Variants in CYP27C1 observed in about 807,000 individuals in gnomAD.
CYP27C1 encodes cytochrome P450 family 27 subfamily C member 1.
In CYP27C1, 29 loss-of-function variants were observed where a neutral mutation model predicts 40.6. The ratio of observed to expected loss-of-function variants is 0.71; its 90% CI spans 0.53 to 0.97. CYP27C1 has a LOEUF of 0.97. Ranked by LOEUF, CYP27C1 falls within the 50% of genes least tolerant of loss-of-function variation. CYP27C1 has a pLI of 0.00. For missense variants in CYP27C1, 390 were observed against 485.8 expected, an observed-to-expected ratio of 0.80 and a Z score of 1.85; for synonymous variants, 198 against 186.8, an observed-to-expected ratio of 1.06 and a Z score of -0.49.
chr2:127,199,326 G>C (rs1237220572), intron 5 of CYP27C1, 50 bp downstream of exon 5: 6 of 1,595,666 alleles, frequency 3.8e-6, no homozygotes, highest in Non-Finnish European at 5.1e-6. Context: ...GAGGTGATGA[G>C]GAAGGGGTTA....
intron 1 of CYP27C1, among the ~76,000 whole-genome samples, chr2:127,206,420 C>T (rs1408861768): frequency 1.3e-5 from 2 of 152,046 alleles, no homozygotes; most frequent in Non-Finnish European, 2.9e-5. Flanking sequence ...GCAATCCTCC[C>T]ACCTCAGCCT....
chr2:127,187,479 C>CT, intron 8 of CYP27C1, 92 bp from the exon 9 acceptor site: 1 of 1,161,196 alleles, frequency 8.6e-7, no homozygotes, highest in South Asian at 1.3e-5. Flanking sequence ...TGTGGCGGCA[C>CT]TGGGCTGCAG....
At position 127,201,749 on chromosome 2, in the gene CYP27C1, G is replaced by C. The variant is rs557048618; in HGVS notation, c.674-418C>G. Reference sequence around the variant, plus strand: ...AACACCCTCCTCTCAGGAAGGAGTCGGCAAACCTCACATGGCCTCTCCCTG... The same window carrying C: ...AACACCCTCCTCTCAGGAAGGAGTCCGCAAACCTCACATGGCCTCTCCCTG... On this transcript the variant is annotated intron_variant, in intron 3 of 8. Coordinates refer to ENST00000664447, the MANE Select transcript of CYP27C1 (RefSeq NM_001367502.1). This position sits in a 1 kb window ranked among gnomAD's most constrained non-coding sequence, Gnocchi z 6.0. 6.6e-6 allele frequency among the ~76,000 whole-genome samples: 1 copy of C among 152,074 alleles called. No homozygotes were observed. Among genetic ancestry groups the C allele is most frequent in the Non-Finnish European group, 1.5e-5 (1 of 68,012 alleles).
At position 127,203,499 on chromosome 2, in the gene CYP27C1, A is replaced by C. The variant is rs1683090181; in HGVS notation, c.546T>G (p.Ile182Met). The C allele has an allele frequency of 6.2e-7, 1 of 1,613,916 alleles. No homozygotes were observed. Among genetic ancestry groups the C allele is most frequent in the Non-Finnish European group, 8.5e-7 (1 of 1,180,012 alleles). ...QRILKPKDVA[I>M]YSGEVNQVIA... The stretch of plus-strand genomic sequence containing the variant: ...TAACTTGGTTGACTTCTCCAGAATA[A>C]ATGGCCACATCTTTCGGTTTCAGAA... Residue 182 changes from isoleucine (I) to methionine (M), a missense_variant, in exon 3 of 9, where the codon ATT becomes ATG. Physicochemically the swap from Ile to Met is conservative, Grantham distance 10 (BLOSUM62 1). Transcript: ENST00000664447.
At chr2:127,199,276 A>T (rs1451636986) in intron 5 of CYP27C1, 100 bp downstream of exon 5, 24 of 1,490,846 alleles carry the variant, frequency 1.6e-5, no homozygotes, top group Non-Finnish European at 2.1e-5. Context: ...AATAGAGTAA[A>T]ACTCCATCCT....
At chr2:127,204,597 G>GAAAT in intron 2 of CYP27C1, among the ~76,000 whole-genome samples, 1 of 99,220 alleles carries the variant, frequency 1.0e-5, no homozygotes, top group South Asian at 2.6e-4. Flanking sequence ...AAGAAAGAAA[G>GAAAT]AAAGAAAGAA....
chr2:127,191,341 T>C (rs1682765065), intron 8 of CYP27C1, among the ~76,000 whole-genome samples: 1 of 152,204 alleles, frequency 6.6e-6, no homozygotes, highest in Admixed American at 6.5e-5. Flanking sequence ...GTTATATTCA[T>C]ATGTTGACAG....
In CYP27C1 at chr2:127,220,136, G is replaced by A. The variant is rs1197932862; in HGVS notation, c.135C>T (p.Asp45=). The A allele has an allele frequency of 3.3e-5, 5 of 149,682 alleles. No homozygotes were observed. Among genetic ancestry groups the A allele is most frequent in the Non-Finnish European group, 7.4e-5 (5 of 67,272 alleles). 9.3% of individuals were successfully genotyped at this position (149,682 alleles called of 1,614,324 possible). Residue 45 remains aspartate, a synonymous_variant, in exon 1 of 9, where the codon GAC becomes GAT. Transcript: ENST00000664447. The surrounding 1 kb of genome is among the most constrained non-coding windows in gnomAD (Gnocchi z 4.6). Reference sequence around the variant, plus strand: ...GCGACCCCGGCCGCCCGGCGCCTTTGTCCTCGGCCCGCGCCCCCGCCGGGA... The same window carrying A: ...GCGACCCCGGCCGCCCGGCGCCTTTATCCTCGGCCCGCGCCCCCGCCGGGA... ...ARLPAGARAE[D]KGAGRPGSPP...
At position 127,201,324 on chromosome 2, in the gene CYP27C1, G is replaced by A. The variant is rs773778523; in HGVS notation, c.681C>T (p.Ala227=). 6.2e-7 allele frequency: 1 copy of A among 1,613,780 alleles called. No homozygotes were observed. The highest frequency in any genetic ancestry group is 8.5e-7 in the Non-Finnish European group (1 of 1,179,948). The change falls in exon 4 of 9, where the codon GCC becomes GCT. Residue 227 remains alanine (A), a synonymous_variant. Coordinates refer to ENST00000664447, the MANE Select transcript of CYP27C1 (RefSeq NM_001367502.1). This position sits in a 1 kb window ranked among gnomAD's most constrained non-coding sequence, Gnocchi z 6.0. ...LFFKYSMEGV[A]TILYESRLGC... is the part of the protein sequence containing the mutation. Reference sequence around the variant, plus strand: ...CCAAACGACTCTCATAAAGGATGGTGGCCACTCCTAGACAGGAAAGAGAAT... The same window carrying A: ...CCAAACGACTCTCATAAAGGATGGTAGCCACTCCTAGACAGGAAAGAGAAT...
At position 127,187,314 on chromosome 2, in the gene CYP27C1, G is replaced by A. The variant is rs35075135; in HGVS notation, c.1571C>T (p.Thr524Met). The A allele has an allele frequency of 1.6e-3, 2,599 of 1,614,182 alleles. 20 individuals carry two copies. The African/African-American group carries it at 0.029, about 18-fold the overall frequency. The change falls in exon 9 of 9, where the codon ACG (threonine) becomes ATG (methionine). Residue 524 changes from threonine (T) to methionine (M), a missense_variant. Transcript: ENST00000664447. Reference sequence around the variant, plus strand: ...TCGCACGTGGATGGGCCCCCCTGGCGTCAGGAGCCCGTGGGTTTTTGCATG... The same window carrying A: ...TCGCACGTGGATGGGCCCCCCTGGCATCAGGAGCCCGTGGGTTTTTGCATG... Reference protein sequence around the residue: ...AVHAKTHGLLTPGGPIHVRFV... With the variant: ...AVHAKTHGLLMPGGPIHVRFV...
chr2:127,204,159 G>A (rs920477956), intron 2 of CYP27C1, among the ~76,000 whole-genome samples: 19 of 150,922 alleles, frequency 1.3e-4, no homozygotes, highest in Non-Finnish European at 2.7e-4. Context: ...CCAGCTACTC[G>A]GGAGGCTGAG....
chr2:127,206,589 T>C (rs1393904728), intron 1 of CYP27C1, among the ~76,000 whole-genome samples: 1 of 152,230 alleles, frequency 6.6e-6, no homozygotes, highest in Non-Finnish European at 1.5e-5. Context: ...ATTACAGGCA[T>C]GATCATGGAA....
intron 8 of CYP27C1, among the ~76,000 whole-genome samples, chr2:127,192,626 G>C (rs552205412): frequency 0.047 from 7,147 of 152,164 alleles, 159 homozygotes; most frequent in East Asian, 0.064. Context: ...TCCCGGGGGG[G>C]GGGGCTGCTG....
chr2:127,215,599 A>G (rs1307083401), intron 1 of CYP27C1, among the ~76,000 whole-genome samples: 1 of 152,036 alleles, frequency 6.6e-6, no homozygotes, highest in East Asian at 1.9e-4. Flanking sequence ...GCCGGCCATA[A>G]TGGCTCAGGC....
intron 2 of CYP27C1, among the ~76,000 whole-genome samples, chr2:127,204,602 A>AAGCAAGCAAGCAAGC (rs1558931515): frequency 1.0e-5 from 1 of 99,724 alleles, no homozygotes; most frequent in African/African-American, 4.3e-5. Flanking sequence ...AGAAAGAAAG[A>AAGCAAGCAAGCAAGC]AAGAAAGAAA....
rs1237813428 is a variant in CYP27C1 at position 127,196,113 on chromosome 2, A to G, written c.1048-612T>C. 1.3e-5 allele frequency among the ~76,000 whole-genome samples: 2 copies of G among 151,452 alleles called. No individual in the cohort carries two copies. Among genetic ancestry groups the G allele is most frequent in the Non-Finnish European group, 2.9e-5 (2 of 67,952 alleles). ...AGTCTCGCTCTGTCGCCCAGGCTGG[A>G]ATGCAGTGACGCGATCTCGGCTCAC... is the stretch of plus-strand genomic sequence containing the variant. On this transcript the variant is annotated intron_variant, in intron 5 of 8. Coordinates refer to ENST00000664447, the MANE Select transcript of CYP27C1 (RefSeq NM_001367502.1). The surrounding 1 kb of genome is among the most constrained non-coding windows in gnomAD (Gnocchi z 4.5).
chr2:127,185,869 C>G lies in CYP27C1; in HGVS notation c.*1402G>C, dbSNP rs993713088. The G allele has an allele frequency of 6.6e-6, 1 of 152,166 alleles. No homozygotes were observed. The highest frequency in any genetic ancestry group is 2.4e-5 in the African/African-American group (1 of 41,438). 9.4% of individuals were successfully genotyped at this position (152,166 alleles called of 1,614,324 possible). A position where few individuals can be genotyped will look rare whatever the true frequency, so the allele number is the denominator to read the frequency against. On this transcript the variant is annotated 3_prime_UTR_variant, in exon 9 of 9. Transcript: ENST00000664447. The surrounding 1 kb of genome is among the most constrained non-coding windows in gnomAD (Gnocchi z 4.9). ...GAGCATCAGGAAATCACGGTGTTTC[C>G]TCTTAGCAACCGGTGAGCAGCAGGA...
In CYP27C1 at chr2:127,209,049, G is replaced by A. The variant is rs13384723; in HGVS notation, c.283-2959C>T. ...TGCTCCCCATGCCACCCAACTGGGT[G>A]AGACCCTCCAATAGGGGTTGTCAGA... On this transcript the variant is annotated intron_variant, in intron 1 of 8. Transcript: ENST00000664447. The surrounding 1 kb of genome is among the most constrained non-coding windows in gnomAD (Gnocchi z 4.1). Among the ~76,000 whole-genome samples, 852 of 152,310 alleles carry A rather than the reference G, an allele frequency of 5.6e-3. 12 individuals carry two copies. The highest frequency in any genetic ancestry group is 0.019 in the African/African-American group (791 of 41,560).
At chr2:127,197,491 G>A (rs1305165235) in intron 5 of CYP27C1, among the ~76,000 whole-genome samples, 1 of 152,198 alleles carries the variant, frequency 6.6e-6, no homozygotes, top group Admixed American at 6.5e-5. Flanking sequence ...AAAGCTTTGA[G>A]ATGATGGGCT....
Sources: gnomAD v4.1 joint callset for allele counts (sites outside exome capture counted in the v4.1 genomes callset) on GRCh38, gnomAD v4.1.1 for gene constraint, Gnocchi (gnomAD v3.1) non-coding constraint, MANE v1.5 for transcripts, NCBI Gene and HGNC (gene_info 2026-07-23, HGNC 2026-07-21) for gene names.